The following ANTXR1 variants were observed in gnomAD, a reference collection of about 807,000 sequenced individuals.
The protein encoded by ANTXR1 is ANTXR cell adhesion molecule 1.
ANTXR1 carries 19 observed loss-of-function variants against 78.1 expected under a neutral mutation model. That is an observed-to-expected ratio of 0.24 (90% CI 0.17 to 0.36). The LOEUF is 0.36. Ranked by LOEUF, ANTXR1 falls within the 10% of genes least tolerant of loss-of-function variation. The probability of loss-of-function intolerance (pLI) is 1.00; values close to 1 mark genes in which losing one functional copy is unlikely to be tolerated. For synonymous variants in ANTXR1, 273 were observed against 260.5 expected (o/e 1.05, Z -0.46); for missense variants, 518 against 718.6 (o/e 0.72, Z 3.19).
chr2:69,103,025 A>G (rs1234566245), intron 10 of ANTXR1, 85 bp downstream of exon 10: 2 of 1,297,960 alleles, frequency 1.5e-6, no homozygotes, highest in South Asian at 2.4e-5. Context: ...GCAAGGCCAC[A>G]CACATGAAAC....
intron 8 of ANTXR1, among the ~76,000 whole-genome samples, chr2:69,086,379 A>C (rs6546481): frequency 0.91 from 138,998 of 152,290 alleles, 63,485 homozygotes; most frequent in East Asian, 0.98. Flanking sequence ...ATTTCACTTT[A>C]AATATATCAA....
At chr2:69,212,734 C>G (rs1573980745) in intron 17 of ANTXR1, among the ~76,000 whole-genome samples, 1 of 152,108 alleles carries the variant, frequency 6.6e-6, no homozygotes, top group South Asian at 2.1e-4. Context: ...TCACTCTAGC[C>G]TTGACCTCTG....
chr2:69,148,608 A>C (rs990289160), intron 12 of ANTXR1, among the ~76,000 whole-genome samples: 2 of 152,242 alleles, frequency 1.3e-5, no homozygotes, highest in Non-Finnish European at 2.9e-5. Flanking sequence ...TAAATGAGTT[A>C]GCGTAAGGAA....
intron 10 of ANTXR1, among the ~76,000 whole-genome samples, chr2:69,107,906 C>G (rs1671861990): frequency 6.6e-6 from 1 of 152,160 alleles, no homozygotes; most frequent in South Asian, 2.1e-4. Flanking sequence ...CAACATCATT[C>G]TAATAATAAA....
chr2:69,169,725 G>A (rs925937210), intron 13 of ANTXR1, among the ~76,000 whole-genome samples: 1 of 152,240 alleles, frequency 6.6e-6, no homozygotes, highest in African/African-American at 2.4e-5. Context: ...TTGGGACTCG[G>A]TCTGCCTGGG....
intron 14 of ANTXR1, among the ~76,000 whole-genome samples, chr2:69,178,494 C>T (rs1200166181): frequency 6.6e-6 from 1 of 152,150 alleles, no homozygotes; most frequent in Non-Finnish European, 1.5e-5. Flanking sequence ...GAGGGCGGCG[C>T]CTCCTTCCCC....
At chr2:69,161,857 A>T (rs538829144) in intron 13 of ANTXR1, among the ~76,000 whole-genome samples, 1 of 152,260 alleles carries the variant, frequency 6.6e-6, no homozygotes, top group Non-Finnish European at 1.5e-5. Context: ...CAGAATTTAA[A>T]AGGCCAGGGG....
Position 69,235,387 on chromosome 2 carries a change from G to A in ANTXR1, c.1435-9838G>A, listed in dbSNP as rs140674001. Among the ~76,000 whole-genome samples, 252 of 152,048 alleles carry A rather than the reference G, an allele frequency of 1.7e-3. 1 individual carries two copies. The highest frequency in any genetic ancestry group is 5.8e-3 in the African/African-American group (242 of 41,508). On this transcript the variant is annotated intron_variant, in intron 17 of 17. Coordinates refer to ENST00000303714, the MANE Select transcript of ANTXR1 (RefSeq NM_032208.3). The stretch of plus-strand genomic sequence containing the variant: ...CTATGGGCCAGGGGCAGTGGTTCAC[G>A]CCTGTAAATCCCAGCACTTTGGGAG...
chr2:69,030,785 C>T (rs890869584), intron 1 of ANTXR1, among the ~76,000 whole-genome samples: 1 of 151,974 alleles, frequency 6.6e-6, no homozygotes, highest in Non-Finnish European at 1.5e-5. Flanking sequence ...TCTGCATTAT[C>T]GGCAATAAAT....
intron 1 of ANTXR1, among the ~76,000 whole-genome samples, chr2:69,020,039 A>G (rs1461435591): frequency 6.6e-6 from 1 of 152,222 alleles, no homozygotes; most frequent in African/African-American, 2.4e-5. Context: ...TGCAGTGAAC[A>G]TATGCATGCA....
chr2:69,052,514 TTTCTC>T (rs1235286951), intron 3 of ANTXR1, among the ~76,000 whole-genome samples: 1 of 152,070 alleles, frequency 6.6e-6, no homozygotes, highest in Non-Finnish European at 1.5e-5. Flanking sequence ...GGTAGCCTGT[TTTCTC>T]TTCCTGGCTG....
chr2:69,050,644 C>T (rs1174000052), intron 3 of ANTXR1, among the ~76,000 whole-genome samples: 11 of 152,086 alleles, frequency 7.2e-5, no homozygotes. Context: ...ATTGAAGAAG[C>T]TCTTTGACAG....
intron 9 of ANTXR1, among the ~76,000 whole-genome samples, chr2:69,102,163 A>G (rs2104317162): frequency 6.6e-6 from 1 of 152,376 alleles, no homozygotes; most frequent in East Asian, 1.9e-4. Context: ...ATTCATTCCT[A>G]AGTACAATTA....
At position 69,202,855 on chromosome 2, in the gene ANTXR1, A is replaced by C. The variant is rs76407297; in HGVS notation, c.1434+9440A>C. ...TTCCAGAGTGAATGTCTCAGGATTA[A>C]ATAAAATGGTAGGTATAAATAATTT... On this transcript the variant is annotated intron_variant, in intron 17 of 17. Coordinates refer to ENST00000303714, the MANE Select transcript of ANTXR1 (RefSeq NM_032208.3). 9.7e-3 allele frequency among the ~76,000 whole-genome samples: 1,479 copies of C among 152,324 alleles called. 37 individuals carry two copies. The East Asian group carries it at 0.097, about 10-fold the overall frequency.
At chr2:69,195,190 A>AAAAAG (rs201522003) in intron 17 of ANTXR1, among the ~76,000 whole-genome samples, 13,071 of 143,832 alleles carry the variant, frequency 0.091, 1,698 homozygotes, top group African/African-American at 0.28. Flanking sequence ...AAAGAAAAAG[A>AAAAAG]AAAAAAAAAA....
intron 8 of ANTXR1, among the ~76,000 whole-genome samples, chr2:69,081,600 T>G (rs1407901272): frequency 6.6e-6 from 1 of 152,240 alleles, no homozygotes; most frequent in Non-Finnish European, 1.5e-5. Flanking sequence ...TATTATTTCA[T>G]TTAAAAATCA....
At chr2:69,194,197 C>T (rs951007034) in intron 17 of ANTXR1, among the ~76,000 whole-genome samples, 3 of 152,170 alleles carry the variant, frequency 2.0e-5, no homozygotes, top group African/African-American at 4.8e-5. Flanking sequence ...TCAGTTCTGC[C>T]GAAACAACAC....
chr2:69,021,511 C>T (rs1010262790), intron 1 of ANTXR1, among the ~76,000 whole-genome samples: 16 of 152,148 alleles, frequency 1.1e-4, no homozygotes, highest in African/African-American at 3.4e-4. Flanking sequence ...GTGGAGATTC[C>T]TTCCTGATAC....
intron 17 of ANTXR1, among the ~76,000 whole-genome samples, chr2:69,207,106 CT>C (rs1395159403): frequency 6.6e-6 from 1 of 152,116 alleles, no homozygotes; most frequent in Non-Finnish European, 1.5e-5. Context: ...CACAGCCAGG[CT>C]TTGTGCCTGT....
Sources: gnomAD v4.1 joint callset for allele counts (sites outside exome capture counted in the v4.1 genomes callset) on GRCh38, gnomAD v4.1.1 for gene constraint, MANE v1.5 for transcripts, NCBI Gene and HGNC (gene_info 2026-07-23, HGNC 2026-07-21) for gene names.